Variants in DHRSX observed in about 807,000 individuals in gnomAD.
DHRSX encodes polyprenol dehydrogenase.
A neutral mutation model predicts 34.0 loss-of-function variants in DHRSX; 31 were observed. That is an observed-to-expected ratio of 0.91 (90% CI 0.69 to 1.23). DHRSX has a LOEUF of 1.23. Ranked by LOEUF, DHRSX falls within the 50% of genes most tolerant of loss-of-function variation. The pLI is 0.00. For missense variants in DHRSX, 414 were observed against 428.1 expected (o/e 0.97, Z 0.29); for synonymous variants, 201 against 183.8 (o/e 1.09, Z -0.76).
intron 4 of DHRSX, among the ~76,000 whole-genome samples, chrX:2,283,038 AGG>A (rs1355061467): frequency 1.3e-5 from 2 of 151,308 alleles, no homozygotes; most frequent in Non-Finnish European, 3.0e-5. Flanking sequence ...GGGGAGAAGG[AGG>A]AGAGAGAGAC....
chrX:2,269,273 C>T (rs991412548), intron 4 of DHRSX, among the ~76,000 whole-genome samples: 25 of 152,234 alleles, frequency 1.6e-4, no homozygotes, highest in African/African-American at 5.3e-4. Context: ...TATATCTACA[C>T]ACAAATATAT....
rs2043582043 is a variant in DHRSX, at chrX:2,408,142, G to A, written c.286+603C>T. On this transcript the variant is annotated intron_variant, in intron 3 of 6. Transcript: ENST00000334651. The stretch of plus-strand genomic sequence containing the variant: ...CTTTCTTTTTTTTTTTTGAGACGGA[G>A]TCTTGCTCTCTCTCCCAGGCAGTCC... Among the ~76,000 whole-genome samples the A allele has an allele frequency of 2.7e-5, 4 of 150,716 alleles. No individual in the cohort carries two copies. The South Asian group carries it at 8.4e-4, about 32-fold the overall frequency.
At chrX:2,363,871 G>A (rs1181031276) in intron 3 of DHRSX, among the ~76,000 whole-genome samples, 2 of 152,086 alleles carry the variant, frequency 1.3e-5, no homozygotes, top group African/African-American at 4.8e-5. Context: ...ATGCATGATG[G>A]AGCTGTGGGA....
chrX:2,253,436 G>T lies in DHRSX; in HGVS notation c.597-10206C>A, dbSNP rs1262726514. On this transcript the variant is annotated intron_variant, in intron 5 of 6. Transcript: ENST00000334651. ...GGCGGACATGGCCGTGAGCCAAGAT[G>T]TCGCGGCCGCACTGCAGCCTGGGAG... Among the ~76,000 whole-genome samples the T allele has an allele frequency of 1.1e-3, 174 of 151,908 alleles. 1 individual carries two copies. Among genetic ancestry groups the T allele is most frequent in the African/African-American group, 3.9e-3 (163 of 41,470 alleles).
At chrX:2,308,810 T>G (rs187053935) in intron 3 of DHRSX, among the ~76,000 whole-genome samples, 5 of 120,278 alleles carry the variant, frequency 4.2e-5, no homozygotes, top group Admixed American at 1.9e-4. Flanking sequence ...CAAGAATGAA[T>G]GGAAGGAGGG....
intron 2 of DHRSX, among the ~76,000 whole-genome samples, chrX:2,423,411 CA>C (rs35794260): frequency 0.81 from 122,034 of 150,676 alleles, 50,200 homozygotes; most frequent in African/African-American, 0.95. Flanking sequence ...GATTCTGTCT[CA>C]AAAAAAACAA....
At chrX:2,360,550 T>C (rs986392162) in intron 3 of DHRSX, among the ~76,000 whole-genome samples, 2 of 152,020 alleles carry the variant, frequency 1.3e-5, no homozygotes, top group Admixed American at 6.6e-5. Flanking sequence ...GCCACTGCAC[T>C]CCAGCCTGGG....
At chrX:2,333,253 G>A (rs766953593) in intron 3 of DHRSX, among the ~76,000 whole-genome samples, 1 of 152,066 alleles carries the variant, frequency 6.6e-6, no homozygotes, top group African/African-American at 2.4e-5. Flanking sequence ...ATAACACATA[G>A]CTTAAAACAC....
At chrX:2,489,466 G>T (rs990169470) in intron 1 of DHRSX, 1 of 1,613,726 alleles carries the variant, frequency 6.2e-7, no homozygotes, top group Non-Finnish European at 8.5e-7. Flanking sequence ...CCATGCTGAT[G>T]GTGGGGTACC....
intron 3 of DHRSX, among the ~76,000 whole-genome samples, chrX:2,408,051 G>A (rs1445733851): frequency 1.3e-5 from 2 of 152,074 alleles, no homozygotes; most frequent in African/African-American, 4.8e-5. Context: ...ACCAGAATTT[G>A]GTCTAGCACC....
intron 5 of DHRSX, among the ~76,000 whole-genome samples, chrX:2,244,855 G>A (rs2016240504): frequency 1.3e-5 from 2 of 151,924 alleles, no homozygotes. Flanking sequence ...GGGACTATAG[G>A]CGCCTGCCAC....
At chrX:2,467,696 C>T (rs1258393892) in intron 1 of DHRSX, among the ~76,000 whole-genome samples, 1 of 152,032 alleles carries the variant, frequency 6.6e-6, no homozygotes, top group Non-Finnish European at 1.5e-5. Flanking sequence ...AAAGTGCAGC[C>T]GGACGTGGTG....
chrX:2,295,611 G>A (rs1320646320), intron 3 of DHRSX, among the ~76,000 whole-genome samples: 1 of 152,198 alleles, frequency 6.6e-6, no homozygotes, highest in East Asian at 1.9e-4. Context: ...AATGGTATCT[G>A]GATTACTTTG....
At chrX:2,488,733 C>T (rs765140029) in intron 1 of DHRSX, 4 of 1,613,972 alleles carry the variant, frequency 2.5e-6, no homozygotes, top group Non-Finnish European at 2.5e-6. Flanking sequence ...TCCCCCTCGT[C>T]CTGGTCCTCG....
At chrX:2,324,766 TTTC>T (rs1481855892) in intron 3 of DHRSX, among the ~76,000 whole-genome samples, 11 of 147,094 alleles carry the variant, frequency 7.5e-5, no homozygotes, top group Admixed American at 2.2e-4. Flanking sequence ...GCTTTTTTCT[TTTC>T]TTTTTTTTTT....
chrX:2,347,338 G>C lies in DHRSX; in HGVS notation c.287-55735C>G, dbSNP rs749043977. 3.9e-5 allele frequency among the ~76,000 whole-genome samples: 6 copies of C among 152,280 alleles called. No homozygotes were observed. In the South Asian group the frequency reaches 1.2e-3, roughly 32 times the overall value. Reference sequence around the variant, plus strand: ...ACTATCATGAGAACAGCAGGGCAAAGACCTGCCCCCATGATTCGGTTACCT... The same window carrying C: ...ACTATCATGAGAACAGCAGGGCAAACACCTGCCCCCATGATTCGGTTACCT... On this transcript the variant is annotated intron_variant, in intron 3 of 6. Transcript: ENST00000334651.
intron 3 of DHRSX, among the ~76,000 whole-genome samples, chrX:2,379,065 C>G (rs1178866439): frequency 2.0e-5 from 3 of 152,186 alleles, no homozygotes; most frequent in African/African-American, 7.2e-5. Flanking sequence ...CCCATTACCC[C>G]TAGATGGGAC....
intron 4 of DHRSX, among the ~76,000 whole-genome samples, chrX:2,273,059 G>A (rs1177011030): frequency 6.6e-6 from 1 of 152,164 alleles, no homozygotes; most frequent in East Asian, 1.9e-4. Flanking sequence ...GATCACCTGA[G>A]GTCAGGAGTT....
intron 3 of DHRSX, among the ~76,000 whole-genome samples, chrX:2,359,682 A>C (rs1378480278): frequency 6.6e-6 from 1 of 152,090 alleles, no homozygotes. Flanking sequence ...TCCATATCAA[A>C]AAAAAAGAAA....
Sources: allele counts gnomAD v4.1 joint callset (sites outside exome capture counted in the v4.1 genomes callset), GRCh38; gene constraint gnomAD v4.1.1; transcripts MANE v1.5; gene names NCBI Gene and HGNC (gene_info 2026-07-23, HGNC 2026-07-21).